SOD2: variants seen among roughly 807,000 people sequenced by gnomAD.
The protein encoded by SOD2 is superoxide dismutase [Mn], mitochondrial.
A neutral mutation model predicts 27.0 loss-of-function variants in SOD2; 11 were observed. The observed-to-expected ratio is 0.41, with a 90% CI of 0.26 to 0.67. The LOEUF (loss-of-function observed/expected upper bound fraction) is 0.67, where lower values mean the gene tolerates loss of function less well. Among genes scored for constraint, SOD2 ranks in the 30% least tolerant of loss-of-function variants. The pLI is 0.34. For missense variants in SOD2, 250 were observed against 274.5 expected (o/e 0.91, Z 0.63); for synonymous variants, 105 against 103.0 (o/e 1.02, Z -0.12).
upstream of SOD2, among the ~76,000 whole-genome samples, chr6:159,693,805 C>A (rs922534375): frequency 1.3e-5 from 2 of 152,234 alleles, no homozygotes; most frequent in African/African-American, 4.8e-5. Flanking sequence ...AGCGCCCTTC[C>A]AACCCGTATT....
chr6:159,746,020 A>T (rs886680751), upstream of SOD2, among the ~76,000 whole-genome samples: 1 of 152,216 alleles, frequency 6.6e-6, no homozygotes, highest in Non-Finnish European at 1.5e-5. Flanking sequence ...TTTTAAAAGA[A>T]GAGTAGAGTG....
Position 159,669,383 on chromosome 6 carries a change from T to C in SOD2, c.*13110A>G, listed in dbSNP as rs1230580527. 6.6e-6 allele frequency: 1 copy of C among 152,232 alleles called. No individual in the cohort carries two copies. The highest frequency in any genetic ancestry group is 1.5e-5 in the Non-Finnish European group (1 of 68,036). 9.4% of individuals were successfully genotyped at this position (152,232 alleles called of 1,614,324 possible). ...TTATTGGTTTTATGTCTAGAAAATC[T>C]GTCCAATGCTGAGAGTAGAGTGAAG... On this transcript the variant is annotated 3_prime_UTR_variant, in exon 5 of 5. Coordinates refer to ENST00000538183, the MANE Select transcript of SOD2 (RefSeq NM_000636.4).
chr6:159,729,900 A>G (rs189040140), upstream of SOD2, among the ~76,000 whole-genome samples: 955 of 152,326 alleles, frequency 6.3e-3, 5 homozygotes, highest in Non-Finnish European at 9.3e-3. Flanking sequence ...GCTAAGAGCC[A>G]GGAAGGTACT....
At chr6:159,749,143 G>T, upstream of SOD2, 1 of 985,956 alleles carries the variant, frequency 1.0e-6, no homozygotes, top group Non-Finnish European at 1.2e-6. Context: ...ATCTTACTGA[G>T]GACTGTACAA....
At chr6:159,719,873 C>G (rs1473686352) in intron 1 of SOD2, among the ~76,000 whole-genome samples, 1 of 151,054 alleles carries the variant, frequency 6.6e-6, no homozygotes, top group African/African-American at 2.4e-5. Flanking sequence ...CAAATGTGTG[C>G]CACCATACCC....
Position 159,682,314 on chromosome 6 carries a change from T to G in SOD2, c.*179A>C, listed in dbSNP as rs1460480301. On this transcript the variant is annotated 3_prime_UTR_variant, in exon 5 of 5. Transcript: ENST00000538183. Reference sequence around the variant, plus strand: ...AAAGCATTTACTATTTTCAATCACTTGCCCAATAACAAAATGTTTAGTAAG... The same window carrying G: ...AAAGCATTTACTATTTTCAATCACTGGCCCAATAACAAAATGTTTAGTAAG... 1 of 467,134 alleles carries G rather than the reference T, an allele frequency of 2.1e-6. No homozygotes were observed. The highest frequency in any genetic ancestry group is 3.7e-6 in the Non-Finnish European group (1 of 272,426). 28.9% of individuals were successfully genotyped at this position (467,134 alleles called of 1,614,324 possible). A position where few individuals can be genotyped will look rare whatever the true frequency, so the allele number is the denominator to read the frequency against.
chr6:159,685,622 T>C (rs1052539352), intron 3 of SOD2, among the ~76,000 whole-genome samples: 7 of 152,066 alleles, frequency 4.6e-5, no homozygotes, highest in Non-Finnish European at 1.0e-4. Context: ...TGGGGTGCAA[T>C]TGATGCCATC....
Position 159,678,326 on chromosome 6 carries a change from A to G in SOD2, c.*4167T>C, listed in dbSNP as rs1779823300. On this transcript the variant is annotated 3_prime_UTR_variant, in exon 5 of 5. Transcript: ENST00000538183. ...TGGATGACTTGAGGTCAGGAGTTTG[A>G]GACCAGCCTGGCCAACAGAGTGAAA... 6.6e-6 allele frequency: 1 copy of G among 152,320 alleles called. No homozygotes were observed. Among genetic ancestry groups the G allele is most frequent in the African/African-American group, 2.4e-5 (1 of 41,438 alleles). 9.4% of individuals were successfully genotyped at this position (152,320 alleles called of 1,614,324 possible).
exon 1 of SOD2, chr6:159,761,938 G>T (rs1780141379): frequency 1.1e-6 from 1 of 949,758 alleles, no homozygotes; most frequent in Admixed American, 2.1e-5. Flanking sequence ...CCTGCGCACA[G>T]TGGGATGCGC....
chr6:159,761,423 C>A, exon 1 of SOD2: 2 of 425,202 alleles, frequency 4.7e-6, no homozygotes, highest in Admixed American at 2.9e-5. Context: ...GGCGTCCTCA[C>A]CCGTTCACAG....
chr6:159,736,066 A>T (rs1778894360), intron 1 of SOD2, among the ~76,000 whole-genome samples: 1 of 152,208 alleles, frequency 6.6e-6, no homozygotes, highest in Non-Finnish European at 1.5e-5. Flanking sequence ...TACAGAGTAT[A>T]TAGGAACTCT....
At position 159,673,293 on chromosome 6, in the gene SOD2, T is replaced by C. The variant is rs1385649758; in HGVS notation, c.*9200A>G. On this transcript the variant is annotated 3_prime_UTR_variant, in exon 5 of 5. Transcript: ENST00000538183. Reference sequence around the variant, plus strand: ...CTCTCCACCCCAAATCAACAGAATATACATTCTTCTCAGCACCACATCGCA... The same window carrying C: ...CTCTCCACCCCAAATCAACAGAATACACATTCTTCTCAGCACCACATCGCA... 1 of 152,148 alleles carries C rather than the reference T, an allele frequency of 6.6e-6. No homozygotes were observed. The allele number at this position is 152,148 out of a possible 1,614,324, so 9.4% of individuals were successfully genotyped here.
intron 1 of SOD2, among the ~76,000 whole-genome samples, chr6:159,744,450 G>T (rs1411311524): frequency 2.6e-5 from 4 of 152,096 alleles, no homozygotes; most frequent in African/African-American, 9.7e-5. Flanking sequence ...ACATATAGAA[G>T]TCTTCTTATG....
At chr6:159,731,732 G>A (rs1778582330), upstream of SOD2, among the ~76,000 whole-genome samples, 1 of 152,164 alleles carries the variant, frequency 6.6e-6, no homozygotes, top group African/African-American at 2.4e-5. Flanking sequence ...AAATAGCACA[G>A]TATTTGGGCC....
chr6:159,736,277 A>C, intron 1 of SOD2: 1 of 1,605,008 alleles, frequency 6.2e-7, no homozygotes, highest in Non-Finnish European at 8.5e-7. Flanking sequence ...TGACCAACGA[A>C]GAACCTCTTC....
chr6:159,692,958 A>G (rs1777302948), intron 1 of SOD2, 95 bp from the exon 2 acceptor site: 1 of 1,362,540 alleles, frequency 7.3e-7, no homozygotes, highest in Non-Finnish European at 9.7e-7. Context: ...GCGTCCCCCG[A>G]GTCCCCGCGT....
chr6:159,711,622 C>CAT (rs1777771816), intron 1 of SOD2, among the ~76,000 whole-genome samples: 1 of 88,028 alleles, frequency 1.1e-5, no homozygotes, highest in Non-Finnish European at 2.5e-5. Context: ...CACCACTCAG[C>CAT]TGCTCTGACC....
chr6:159,670,072 A>G lies in SOD2; in HGVS notation c.*12421T>C, dbSNP rs1035184465. On this transcript the variant is annotated 3_prime_UTR_variant, in exon 5 of 5. Transcript: ENST00000538183. ...GAGTGCAGTGTAGACTCACACTGTAATCACAGCTCACTGTAGACTCCAACT... is the reference window on the plus strand; with the variant it reads ...GAGTGCAGTGTAGACTCACACTGTAGTCACAGCTCACTGTAGACTCCAACT... 3.9e-5 allele frequency: 6 copies of G among 152,148 alleles called. No individual in the cohort carries two copies. Among genetic ancestry groups the G allele is most frequent in the African/African-American group, 1.2e-4 (5 of 41,432 alleles). 9.4% of individuals were successfully genotyped at this position (152,148 alleles called of 1,614,324 possible).
exon 1 of SOD2, chr6:159,727,240 T>C (rs1207380793): frequency 2.3e-6 from 3 of 1,282,218 alleles, no homozygotes; most frequent in Non-Finnish European, 3.0e-6. Context: ...CCGATCGGGC[T>C]AGGCCGACGG....
Sources: gnomAD v4.1 joint callset for allele counts (sites outside exome capture counted in the v4.1 genomes callset) on GRCh38, gnomAD v4.1.1 for gene constraint, MANE v1.5 for transcripts, NCBI Gene and HGNC (gene_info 2026-07-23, HGNC 2026-07-21) for gene names.